Variants in LSAMP observed in about 807,000 individuals in gnomAD.
LSAMP encodes the protein limbic system associated membrane protein.
In LSAMP, 7 loss-of-function variants were observed where a neutral mutation model predicts 38.6. That is an observed-to-expected ratio of 0.18 (90% CI 0.10 to 0.34). The LOEUF (loss-of-function observed/expected upper bound fraction) is 0.34. Among genes scored for constraint, LSAMP ranks in the 10% least tolerant of loss-of-function variants. LSAMP has a pLI of 1.00. For synonymous variants in LSAMP, 154 were observed against 166.8 expected (o/e 0.92, Z 0.59); for missense variants, 313 against 420.0 (o/e 0.75, Z 2.23).
At chr3:115,931,252 C>T (rs990830009) in intron 3 of LSAMP, among the ~76,000 whole-genome samples, 5 of 152,158 alleles carry the variant, frequency 3.3e-5, no homozygotes, top group Non-Finnish European at 5.9e-5. Flanking sequence ...TTCCTTCTGC[C>T]TAAAATCCCA....
At chr3:116,315,049 G>A (rs1387171704) in intron 1 of LSAMP, among the ~76,000 whole-genome samples, 1 of 152,112 alleles carries the variant, frequency 6.6e-6, no homozygotes, top group East Asian at 1.9e-4. Flanking sequence ...TCAATACTGT[G>A]CTCTGATACT....
intron 1 of LSAMP, among the ~76,000 whole-genome samples, chr3:116,252,914 CAAAG>C (rs796072895): frequency 1.4e-4 from 22 of 152,256 alleles, no homozygotes; most frequent in African/African-American, 5.3e-4. Context: ...TACTGATCAA[CAAAG>C]AGAGAAACCT....
intron 1 of LSAMP, among the ~76,000 whole-genome samples, chr3:116,267,583 C>T (rs1166823095): frequency 1.4e-5 from 2 of 145,944 alleles, no homozygotes; most frequent in African/African-American, 5.1e-5. Flanking sequence ...CTATCTCTGT[C>T]CCTCTGAGAA....
chr3:116,437,298 C>T (rs1306215544), intron 1 of LSAMP, among the ~76,000 whole-genome samples: 1 of 151,938 alleles, frequency 6.6e-6, no homozygotes, highest in Non-Finnish European at 1.5e-5. Context: ...AAATATGGTG[C>T]AGTGTATACT....
chr3:115,842,307 A>G (rs62271073), intron 5 of LSAMP, 151 bp downstream of exon 5: 33,540 of 1,154,764 alleles, frequency 0.029, 571 homozygotes, highest in Non-Finnish European at 0.035. Context: ...TACAGGCCCC[A>G]AAGAATTTGA....
chr3:115,874,917 AAAAG>A (rs982874667), intron 3 of LSAMP, among the ~76,000 whole-genome samples: 1 of 152,140 alleles, frequency 6.6e-6, no homozygotes, highest in Non-Finnish European at 1.5e-5. Flanking sequence ...TTTAAAAAAA[AAAAG>A]AGAATGAACG....
intron 1 of LSAMP, among the ~76,000 whole-genome samples, chr3:116,304,394 C>T (rs1404278426): frequency 6.6e-6 from 1 of 152,010 alleles, no homozygotes; most frequent in Non-Finnish European, 1.5e-5. Flanking sequence ...TCAGACATGA[C>T]GAAGAAGCTG....
At chr3:115,997,755 C>CAT (rs1222977830) in intron 3 of LSAMP, among the ~76,000 whole-genome samples, 72 of 106,174 alleles carry the variant, frequency 6.8e-4, no homozygotes, top group African/African-American at 1.9e-3. Flanking sequence ...TATATATATA[C>CAT]ACACACATAC....
intron 3 of LSAMP, among the ~76,000 whole-genome samples, chr3:115,886,210 C>G (rs1936449635): frequency 6.6e-6 from 1 of 151,878 alleles, no homozygotes; most frequent in African/African-American, 2.4e-5. Context: ...CTAGAAATAC[C>G]CTTACAGACA....
At chr3:116,401,883 C>G (rs1243543027) in intron 1 of LSAMP, among the ~76,000 whole-genome samples, 1 of 150,018 alleles carries the variant, frequency 6.7e-6, no homozygotes. Flanking sequence ...AGATGAAAGG[C>G]TAGGTCTTAT....
intron 3 of LSAMP, among the ~76,000 whole-genome samples, chr3:115,902,779 A>G (rs1936910722): frequency 1.3e-5 from 2 of 152,194 alleles, no homozygotes; most frequent in Non-Finnish European, 2.9e-5. Flanking sequence ...ATGCAAATCA[A>G]AACCACAATG....
intron 3 of LSAMP, among the ~76,000 whole-genome samples, chr3:115,985,498 T>C (rs1939484675): frequency 6.6e-6 from 1 of 152,200 alleles, no homozygotes; most frequent in South Asian, 2.1e-4. Context: ...GCCTCAAAGA[T>C]AATCCCCAGT....
chr3:116,313,580 C>T (rs1350170774), intron 1 of LSAMP, among the ~76,000 whole-genome samples: 1 of 152,134 alleles, frequency 6.6e-6, no homozygotes, highest in East Asian at 1.9e-4. Flanking sequence ...AGTCATGTGC[C>T]TTAGAAAGGT....
At chr3:116,238,026 T>C (rs982910774) in intron 1 of LSAMP, among the ~76,000 whole-genome samples, 2 of 152,178 alleles carry the variant, frequency 1.3e-5, no homozygotes, top group African/African-American at 4.8e-5. Flanking sequence ...AAATGTAGCA[T>C]CCATCCCTTC....
chr3:115,898,358 T>C (rs985520252), intron 3 of LSAMP, among the ~76,000 whole-genome samples: 2 of 152,058 alleles, frequency 1.3e-5, no homozygotes, highest in African/African-American at 2.4e-5. Flanking sequence ...TATAGAACTG[T>C]TTTACAGAGT....
chr3:116,045,136 G>T (rs560133338), intron 2 of LSAMP, among the ~76,000 whole-genome samples: 47 of 152,288 alleles, frequency 3.1e-4, no homozygotes, highest in Non-Finnish European at 5.1e-4. Flanking sequence ...GCAGCATAAA[G>T]ACAGTTATTG....
chr3:115,854,802 G>A (rs1488520221), intron 3 of LSAMP, among the ~76,000 whole-genome samples: 1 of 152,096 alleles, frequency 6.6e-6, no homozygotes, highest in East Asian at 1.9e-4. Context: ...ATACCCTGAA[G>A]GCTAATGGCA....
intron 1 of LSAMP, among the ~76,000 whole-genome samples, chr3:116,228,044 A>G (rs981488149): frequency 2.6e-5 from 4 of 152,090 alleles, no homozygotes; most frequent in African/African-American, 9.7e-5. Flanking sequence ...GAAACAGAAG[A>G]TGTGAAATTA....
intron 3 of LSAMP, among the ~76,000 whole-genome samples, chr3:116,011,769 G>A (rs759751941): frequency 1.3e-5 from 2 of 152,162 alleles, no homozygotes; most frequent in African/African-American, 2.4e-5. Context: ...TGGGGCAAAG[G>A]AAGAAAAAGA....
Sources: allele counts gnomAD v4.1 joint callset (sites outside exome capture counted in the v4.1 genomes callset), GRCh38; gene constraint gnomAD v4.1.1; transcripts MANE v1.5; gene names NCBI Gene and HGNC (gene_info 2026-07-23, HGNC 2026-07-21).